KAZN: variants seen among roughly 807,000 people sequenced by gnomAD.
KAZN encodes the protein kazrin.
In KAZN, 40 loss-of-function variants were observed where a neutral mutation model predicts 87.4. The observed-to-expected ratio is 0.46, with a 90% CI of 0.36 to 0.60. The LOEUF (loss-of-function observed/expected upper bound fraction) is 0.60. Among genes scored for constraint, KAZN ranks in the 20% least tolerant of loss-of-function variants. KAZN has a pLI of 0.00. For synonymous variants in KAZN, 466 were observed against 458.3 expected (o/e 1.02, Z -0.22); for missense variants, 898 against 1,073.9 (o/e 0.84, Z 2.29).
At chr1:15,012,779 G>T (rs144715175) in intron 2 of KAZN, among the ~76,000 whole-genome samples, 1 of 152,074 alleles carries the variant, frequency 6.6e-6, no homozygotes, top group Non-Finnish European at 1.5e-5. Context: ...AAAATTAGCC[G>T]GGCGTGGTGG....
rs545811205 is a variant in KAZN at position 13,987,801 on chromosome 1, G to A, written c.91+94045G>A. 8.2e-4 allele frequency among the ~76,000 whole-genome samples: 125 copies of A among 152,264 alleles called. No homozygotes were observed. In the South Asian group the frequency reaches 0.025, roughly 31 times the overall value. ...TTAAATTTCAACATGAATTTTGGAA[G>A]CATCTTAGTCTATTTTGTGTTGCTA... On this transcript the variant is annotated intron_variant, in intron 1 of 16. Coordinates refer to the KAZN transcript ENST00000636203.
At chr1:14,028,464 G>A (rs1641181252) in intron 1 of KAZN, among the ~76,000 whole-genome samples, 1 of 152,168 alleles carries the variant, frequency 6.6e-6, no homozygotes, top group Admixed American at 6.5e-5. Flanking sequence ...TTAACAAAGT[G>A]CATTTCTATC....
At chr1:14,210,548 G>A (rs1646833777) in intron 2 of KAZN, among the ~76,000 whole-genome samples, 1 of 152,092 alleles carries the variant, frequency 6.6e-6, no homozygotes, top group Admixed American at 6.5e-5. Context: ...AATTAAACAT[G>A]CATATGGGCA....
At chr1:14,777,031 C>T (rs1299094574) in intron 1 of KAZN, among the ~76,000 whole-genome samples, 1 of 151,946 alleles carries the variant, frequency 6.6e-6, no homozygotes, top group African/African-American at 2.4e-5. Context: ...GACGGAGTCT[C>T]GCTCTGTCAC....
intron 1 of KAZN, among the ~76,000 whole-genome samples, chr1:14,930,367 G>C (rs1484313970): frequency 6.6e-6 from 1 of 152,168 alleles, no homozygotes; most frequent in Non-Finnish European, 1.5e-5. Flanking sequence ...TGGGGAATTG[G>C]AGAGAAGTAA....
chr1:14,470,486 A>G (rs1037978206), intron 2 of KAZN, among the ~76,000 whole-genome samples: 1 of 152,212 alleles, frequency 6.6e-6, no homozygotes, highest in African/African-American at 2.4e-5. Flanking sequence ...TGGTCATGTC[A>G]ATTACAGTGG....
intron 1 of KAZN, among the ~76,000 whole-genome samples, chr1:14,873,957 A>T (rs976947252): frequency 6.6e-5 from 10 of 152,196 alleles, no homozygotes; most frequent in African/African-American, 2.4e-4. Flanking sequence ...GAAGGAAAGC[A>T]CTTGTCATTT....
At chr1:14,867,867 A>G (rs1651664945) in intron 1 of KAZN, among the ~76,000 whole-genome samples, 1 of 106,190 alleles carries the variant, frequency 9.4e-6, no homozygotes, top group South Asian at 3.4e-4. Context: ...AAGGCTGTGG[A>G]CTGCACTTGG....
chr1:14,124,995 G>T (rs1016467970), intron 1 of KAZN, among the ~76,000 whole-genome samples: 2 of 152,204 alleles, frequency 1.3e-5, no homozygotes, highest in Non-Finnish European at 2.9e-5. Context: ...ACAGATTGCA[G>T]TAGCGAGTGG....
intron 1 of KAZN, among the ~76,000 whole-genome samples, chr1:14,002,440 G>C (rs1424552285): frequency 6.6e-6 from 1 of 152,210 alleles, no homozygotes; most frequent in Non-Finnish European, 1.5e-5. Context: ...GGGTTTATCA[G>C]GGGCTTTTGC....
At chr1:14,212,933 C>T (rs1369661576) in intron 2 of KAZN, among the ~76,000 whole-genome samples, 2 of 152,164 alleles carry the variant, frequency 1.3e-5, no homozygotes, top group Non-Finnish European at 2.9e-5. Flanking sequence ...ATTCACTTTA[C>T]ACTGGGATTC....
At chr1:14,743,066 G>T (rs1644155577) in intron 1 of KAZN, among the ~76,000 whole-genome samples, 1 of 152,184 alleles carries the variant, frequency 6.6e-6, no homozygotes, top group Non-Finnish European at 1.5e-5. Context: ...ACTGTGTGTG[G>T]GCCAGAGTGG....
chr1:14,728,860 C>T (rs1643543326), intron 1 of KAZN, among the ~76,000 whole-genome samples: 1 of 152,188 alleles, frequency 6.6e-6, no homozygotes, highest in Admixed American at 6.5e-5. Flanking sequence ...TCATAAAGTT[C>T]TTGGCAAGGA....
At chr1:14,692,620 C>G (rs1303277029) in intron 1 of KAZN, 1 of 152,694 alleles carries the variant, frequency 6.5e-6, no homozygotes, top group African/African-American at 2.4e-5. Flanking sequence ...TGGCCGTGGT[C>G]CCTTGAGCAC....
At chr1:14,884,058 G>A (rs1453392107) in intron 1 of KAZN, among the ~76,000 whole-genome samples, 1 of 152,112 alleles carries the variant, frequency 6.6e-6, no homozygotes, top group Non-Finnish European at 1.5e-5. Flanking sequence ...AACTGAGGCT[G>A]AGAGAAACTA....
At chr1:14,101,551 A>G (rs1644248940) in intron 1 of KAZN, among the ~76,000 whole-genome samples, 1 of 152,164 alleles carries the variant, frequency 6.6e-6, no homozygotes, top group Non-Finnish European at 1.5e-5. Flanking sequence ...GGATGTGAAT[A>G]GTGGTTATTC....
intron 1 of KAZN, among the ~76,000 whole-genome samples, chr1:14,174,828 A>C (rs983050339): frequency 9.2e-5 from 14 of 152,220 alleles, no homozygotes; most frequent in Admixed American, 5.9e-4. Context: ...GCTTTATACA[A>C]TCTGTCTCTA....
chr1:14,934,110 C>T (rs1168360205), intron 1 of KAZN, among the ~76,000 whole-genome samples: 1 of 152,010 alleles, frequency 6.6e-6, no homozygotes, highest in Non-Finnish European at 1.5e-5. Flanking sequence ...CCGCCTCGGC[C>T]TCCCAAAGTG....
chr1:14,955,879 A>G (rs1663030813), intron 1 of KAZN, among the ~76,000 whole-genome samples: 1 of 152,196 alleles, frequency 6.6e-6, no homozygotes, highest in Non-Finnish European at 1.5e-5. Flanking sequence ...GCCCCATTTC[A>G]TGGTGTCAAA....
Sources: allele counts gnomAD v4.1 joint callset (sites outside exome capture counted in the v4.1 genomes callset), GRCh38; gene constraint gnomAD v4.1.1; transcripts MANE v1.5; gene names NCBI Gene and HGNC (gene_info 2026-07-23, HGNC 2026-07-21).